Variants in PCDHGA4 observed in about 807,000 individuals in gnomAD.
The protein encoded by PCDHGA4 is protocadherin gamma subfamily A, 4.
PCDHGA4 carries 38 observed loss-of-function variants against 54.6 expected under a neutral mutation model. That is an observed-to-expected ratio of 0.70 (90% CI 0.54 to 0.91). The LOEUF (loss-of-function observed/expected upper bound fraction) is 0.91. PCDHGA4 is among the 40% of genes least tolerant of loss of function. The pLI is 0.00. For synonymous variants in PCDHGA4, 511 were observed against 512.9 expected (o/e 1.00, Z 0.05); for missense variants, 1,298 against 1,220.9 (o/e 1.06, Z -0.94).
chr5:141,494,742 G>A (rs1223104681), intron 1 of PCDHGA4, 65 bp from the exon 2 acceptor site: 10 of 1,611,946 alleles, frequency 6.2e-6, no homozygotes, highest in Non-Finnish European at 8.5e-6. Context: ...CCCATCCCTA[G>A]GGGCTCGGGT....
At position 141,486,709 on chromosome 5, in the gene PCDHGA4, C is replaced by T; in HGVS notation, c.2515-8098C>T. 6.2e-7 allele frequency: 1 copy of T among 1,614,182 alleles called. No individual in the cohort carries two copies. ...CTTCCTCTTTCATCTCTCTGAACCC[C>T]CAGACAGGAGCTGTTCATGCTACTC... On this transcript the variant is annotated intron_variant, in intron 1 of 3. Coordinates refer to ENST00000571252, the MANE Select transcript of PCDHGA4 (RefSeq NM_018917.4). This position sits in a 1 kb window ranked among gnomAD's most constrained non-coding sequence, Gnocchi z 5.0.
chr5:141,455,856 TTTTATTA>T (rs1315325745), intron 1 of PCDHGA4, among the ~76,000 whole-genome samples: 1 of 146,240 alleles, frequency 6.8e-6, no homozygotes, highest in East Asian at 2.0e-4. Flanking sequence ...AAATAATTTC[TTTTATTA>T]TTTATTTATT....
intron 1 of PCDHGA4, chr5:141,394,620 T>A: frequency 6.2e-7 from 1 of 1,613,124 alleles, no homozygotes; most frequent in Non-Finnish European, 8.5e-7. Context: ...CCAGAACGCC[T>A]GGCTGTCCTA....
intron 1 of PCDHGA4, chr5:141,408,616 A>C (rs1242634693): frequency 6.2e-7 from 1 of 1,614,052 alleles, no homozygotes. Flanking sequence ...AAAAGGAAAT[A>C]CATTTAGAAA....
At chr5:141,389,542 G>C in intron 1 of PCDHGA4, 1 of 1,613,198 alleles carries the variant, frequency 6.2e-7, no homozygotes, top group Non-Finnish European at 8.5e-7. Flanking sequence ...GTGGACGACC[G>C]CAACGACAAT....
Position 141,409,737 on chromosome 5 carries a change from G to C in PCDHGA4, c.2514+52116G>C, listed in dbSNP as rs199531162. The C allele has an allele frequency of 1.4e-3, 2,254 of 1,613,108 alleles. 2 individuals carry two copies. Among genetic ancestry groups the C allele is most frequent in the Non-Finnish European group, 1.8e-3 (2,079 of 1,179,866 alleles). On this transcript the variant is annotated intron_variant, in intron 1 of 3. Coordinates refer to ENST00000571252, the MANE Select transcript of PCDHGA4 (RefSeq NM_018917.4). ...TACGTGTCAGTGAGCGCGCAGAGCGGGGTGGTGTTCGCGCAGCGCGCCTTT... is the reference window on the plus strand; with the variant it reads ...TACGTGTCAGTGAGCGCGCAGAGCGCGGTGGTGTTCGCGCAGCGCGCCTTT...
intron 1 of PCDHGA4, among the ~76,000 whole-genome samples, chr5:141,406,857 A>T (rs1377435171): frequency 2.0e-5 from 3 of 152,244 alleles, no homozygotes; most frequent in Admixed American, 2.0e-4. Flanking sequence ...TTAAGAAAAT[A>T]TTCTCAGGAA....
intron 1 of PCDHGA4, chr5:141,399,954 G>A (rs1327007587): frequency 3.7e-6 from 6 of 1,612,110 alleles, no homozygotes; most frequent in Non-Finnish European, 4.2e-6. Context: ...AGGCTAGCGA[G>A]CCCGGGCTCT....
chr5:141,478,822 T>A, intron 1 of PCDHGA4: 2 of 1,444,070 alleles, frequency 1.4e-6, no homozygotes, highest in South Asian at 1.5e-5. Context: ...AACTAACCAA[T>A]CTTGCTAAGG....
intron 1 of PCDHGA4, among the ~76,000 whole-genome samples, chr5:141,488,541 T>C (rs2099676694): frequency 6.6e-6 from 1 of 152,184 alleles, no homozygotes; most frequent in South Asian, 2.1e-4. Flanking sequence ...CTAAGTCCCA[T>C]GTCAGCTGAC....
rs113065470 is a variant in PCDHGA4 at position 141,401,000 on chromosome 5, C to A, written c.2514+43379C>A. 4.1e-3 allele frequency among the ~76,000 whole-genome samples: 629 copies of A among 152,216 alleles called. 6 individuals are homozygous for A. The highest frequency in any genetic ancestry group is 0.014 in the African/African-American group (590 of 41,530). On this transcript the variant is annotated intron_variant, in intron 1 of 3. Coordinates refer to ENST00000571252, the MANE Select transcript of PCDHGA4 (RefSeq NM_018917.4). ...TGTTCCTCATATATGCTTTCTTATT[C>A]CTACCTAATGGATTTATGATTTTTT...
chr5:141,485,245 G>C lies in PCDHGA4; in HGVS notation c.2515-9562G>C. 1 of 1,614,188 alleles carries C rather than the reference G, an allele frequency of 6.2e-7. No individual in the cohort carries two copies. Among genetic ancestry groups the C allele is most frequent in the Non-Finnish European group, 8.5e-7 (1 of 1,180,008 alleles). On this transcript the variant is annotated intron_variant, in intron 1 of 3. Coordinates refer to ENST00000571252, the MANE Select transcript of PCDHGA4 (RefSeq NM_018917.4). This position sits in a 1 kb window ranked among gnomAD's most constrained non-coding sequence, Gnocchi z 5.7. The stretch of plus-strand genomic sequence containing the variant: ...CCCTTTTGTTCCTCTTTTACCACCT[G>C]GGTTACGTTTGTGGGCAGATCCGCT...
chr5:141,394,729 A>T (rs765609733), intron 1 of PCDHGA4: 44 of 1,613,302 alleles, frequency 2.7e-5, no homozygotes, highest in African/African-American at 4.0e-5. Flanking sequence ...GATGCGCTCA[A>T]GCAGAGCCTC....
At chr5:141,389,715 G>A (rs1210776013) in intron 1 of PCDHGA4, 4 of 1,612,586 alleles carry the variant, frequency 2.5e-6, no homozygotes, top group Middle Eastern at 1.7e-4. Context: ...GCAGGCTAGC[G>A]AGCCCGGGCT....
At chr5:141,505,563 T>C in intron 3 of PCDHGA4, 82 bp downstream of exon 3, 1 of 1,603,814 alleles carries the variant, frequency 6.2e-7, no homozygotes, top group Non-Finnish European at 8.5e-7. Flanking sequence ...GCCCACGGAC[T>C]GGATGTCAAA....
Position 141,409,505 on chromosome 5 carries a change from A to G in PCDHGA4, c.2514+51884A>G, listed in dbSNP as rs1361558030. 5.6e-6 allele frequency: 9 copies of G among 1,614,036 alleles called. No homozygotes were observed. In the Middle Eastern group the frequency reaches 4.9e-4, roughly 89 times the overall value. On this transcript the variant is annotated intron_variant, in intron 1 of 3. Coordinates refer to ENST00000571252, the MANE Select transcript of PCDHGA4 (RefSeq NM_018917.4). Reference sequence around the variant, plus strand: ...CAGGGGCAAGCCGCCTCTTTCTTCCAGTAGAAGCATCACCTTGTATGTCGC... The same window carrying G: ...CAGGGGCAAGCCGCCTCTTTCTTCCGGTAGAAGCATCACCTTGTATGTCGC...
At chr5:141,473,229 T>G (rs891825934) in intron 1 of PCDHGA4, among the ~76,000 whole-genome samples, 8 of 152,160 alleles carry the variant, frequency 5.3e-5, no homozygotes, top group Admixed American at 1.3e-4. Context: ...GGAGATTGGA[T>G]CCACACAAGT....
At chr5:141,405,489 G>A (rs1008095215) in intron 1 of PCDHGA4, 51 of 894,082 alleles carry the variant, frequency 5.7e-5, no homozygotes, top group Non-Finnish European at 7.7e-5. Context: ...GTGTGATCTC[G>A]GCTCATTGCA....
rs2099609528 is a variant in PCDHGA4 at position 141,485,211 on chromosome 5, G to A, written c.2515-9596G>A. 6.2e-7 allele frequency: 1 copy of A among 1,614,126 alleles called. No individual in the cohort carries two copies. The highest frequency in any genetic ancestry group is 8.5e-7 in the Non-Finnish European group (1 of 1,179,980). Reference sequence around the variant, plus strand: ...GTGAGAAGCTGGACAGAAATCTGGCGGTGGGCTACCCTTTTGTTCCTCTTT... The same window carrying A: ...GTGAGAAGCTGGACAGAAATCTGGCAGTGGGCTACCCTTTTGTTCCTCTTT... On this transcript the variant is annotated intron_variant, in intron 1 of 3. Transcript: ENST00000571252. This position sits in a 1 kb window ranked among gnomAD's most constrained non-coding sequence, Gnocchi z 5.7.
Sources: allele counts gnomAD v4.1 joint callset (sites outside exome capture counted in the v4.1 genomes callset), GRCh38; gene constraint gnomAD v4.1.1; non-coding constraint Gnocchi (gnomAD v3.1); transcripts MANE v1.5; gene names NCBI Gene and HGNC (gene_info 2026-07-23, HGNC 2026-07-21).